SPHKAP: variants seen among roughly 807,000 people sequenced by gnomAD.
SPHKAP encodes A-kinase anchor protein SPHKAP.
In SPHKAP, 67 loss-of-function variants were observed where a neutral mutation model predicts 137.5. That is an observed-to-expected ratio of 0.49 (90% CI 0.40 to 0.60). The LOEUF (loss-of-function observed/expected upper bound fraction) is 0.60, where lower values mean the gene tolerates loss of function less well. Among genes scored for constraint, SPHKAP ranks in the 20% least tolerant of loss-of-function variants. The pLI is 0.00. For missense variants in SPHKAP, 2,097 were observed against 2,069.3 expected (o/e 1.01, Z -0.26); for synonymous variants, 813 against 785.3 (o/e 1.04, Z -0.59).
chr2:228,068,082 A>T (rs1193669145), intron 3 of SPHKAP, among the ~76,000 whole-genome samples: 1 of 152,248 alleles, frequency 6.6e-6, no homozygotes, highest in East Asian at 1.9e-4. Flanking sequence ...ATATGCCAAC[A>T]GTGAACAATC....
chr2:228,088,171 C>G (rs555017370), intron 3 of SPHKAP, among the ~76,000 whole-genome samples: 1 of 151,996 alleles, frequency 6.6e-6, no homozygotes, highest in African/African-American at 2.4e-5. Context: ...ATAAAAAATT[C>G]TGTAAATATA....
intron 2 of SPHKAP, among the ~76,000 whole-genome samples, chr2:228,113,995 C>T (rs1312192421): frequency 1.3e-5 from 2 of 152,104 alleles, no homozygotes; most frequent in Non-Finnish European, 2.9e-5. Context: ...AAGAAGAATG[C>T]TTGAAGGAAG....
At chr2:228,136,470 G>C (rs1482619336) in intron 1 of SPHKAP, among the ~76,000 whole-genome samples, 2 of 152,204 alleles carry the variant, frequency 1.3e-5, no homozygotes, top group Non-Finnish European at 2.9e-5. Context: ...TACCACTGCA[G>C]TGACTCATGC....
At chr2:228,173,497 G>A (rs1212677573) in intron 1 of SPHKAP, among the ~76,000 whole-genome samples, 2 of 152,116 alleles carry the variant, frequency 1.3e-5, no homozygotes, top group Admixed American at 1.3e-4. Context: ...ATTGAAGGAG[G>A]GAGGCAGAAA....
chr2:227,992,040 C>T (rs1391651356), intron 9 of SPHKAP, among the ~76,000 whole-genome samples: 2 of 152,068 alleles, frequency 1.3e-5, no homozygotes, highest in Non-Finnish European at 2.9e-5. Flanking sequence ...ATTACAGAAC[C>T]TTGCATGTAG....
intron 7 of SPHKAP, among the ~76,000 whole-genome samples, chr2:228,010,562 G>A (rs1186596980): frequency 6.6e-6 from 1 of 152,070 alleles, no homozygotes; most frequent in Non-Finnish European, 1.5e-5. Flanking sequence ...GTTCACGGAT[G>A]GAGGGCAAGT....
At chr2:228,099,989 A>G (rs1698138821) in intron 3 of SPHKAP, among the ~76,000 whole-genome samples, 1 of 152,002 alleles carries the variant, frequency 6.6e-6, no homozygotes, top group African/African-American at 2.4e-5. Flanking sequence ...AGCTGGGACT[A>G]CAGGCGCCCG....
At chr2:228,146,823 A>C (rs1254900678) in intron 1 of SPHKAP, among the ~76,000 whole-genome samples, 1 of 152,232 alleles carries the variant, frequency 6.6e-6, no homozygotes, top group East Asian at 1.9e-4. Flanking sequence ...ATATAGGTTC[A>C]TTCCATGTCT....
At chr2:228,047,040 C>G (rs1250694429) in intron 3 of SPHKAP, among the ~76,000 whole-genome samples, 4 of 152,110 alleles carry the variant, frequency 2.6e-5, no homozygotes, top group Non-Finnish European at 4.4e-5. Context: ...GTATCAGTAC[C>G]TGAATGAGAT....
At chr2:228,001,284 T>TATAA (rs56122772) in intron 7 of SPHKAP, among the ~76,000 whole-genome samples, 75,505 of 143,148 alleles carry the variant, frequency 0.53, 20,317 homozygotes, top group South Asian at 0.67. Flanking sequence ...TATCTATACA[T>TATAA]ATATCTATAC....
chr2:228,021,952 TGGCAGCCAAG>T lies in SPHKAP; in HGVS notation c.446_455del (p.Pro149GlnfsTer28), dbSNP rs1559353038. The T allele has an allele frequency of 6.3e-7, 1 of 1,599,522 alleles. No homozygotes were observed. The highest frequency in any genetic ancestry group is 8.5e-7 in the Non-Finnish European group (1 of 1,173,164). ...TTGCACATTGGACCAAGCAGATATC[TGGCAGCCAAG>T]GGCACTAAAAGTGGAGAGAAAAGAA... On this transcript the variant is annotated frameshift_variant, in exon 6 of 12. Coordinates refer to ENST00000392056, the MANE Select transcript of SPHKAP (RefSeq NM_001142644.2). LOFTEE classifies it high-confidence loss of function.
intron 3 of SPHKAP, among the ~76,000 whole-genome samples, chr2:228,071,029 A>T (rs1048008413): frequency 1.3e-5 from 2 of 152,204 alleles, no homozygotes; most frequent in African/African-American, 4.8e-5. Flanking sequence ...GGGACGGAGC[A>T]TTGATGAAAC....
At chr2:227,993,426 C>A in intron 9 of SPHKAP, 108 bp downstream of exon 9, 2 of 983,804 alleles carry the variant, frequency 2.0e-6, no homozygotes, top group South Asian at 2.9e-5. Context: ...CACAGCAGTA[C>A]AGACATGATG....
intron 1 of SPHKAP, among the ~76,000 whole-genome samples, chr2:228,148,428 C>T (rs184849620): frequency 2.0e-5 from 3 of 152,214 alleles, no homozygotes; most frequent in Admixed American, 6.5e-5. Context: ...GTAGCAGGAT[C>T]GGGAATTGGC....
chr2:228,138,050 TG>T (rs1351661599), intron 1 of SPHKAP, among the ~76,000 whole-genome samples: 1 of 152,218 alleles, frequency 6.6e-6, no homozygotes, highest in East Asian at 1.9e-4. Context: ...CAGCTAGGCC[TG>T]GACCTTGGCC....
chr2:228,113,739 G>A (rs773718814), intron 2 of SPHKAP, among the ~76,000 whole-genome samples: 2 of 150,890 alleles, frequency 1.3e-5, no homozygotes, highest in Non-Finnish European at 2.9e-5. Flanking sequence ...GCCTCCCTTT[G>A]CCTTTGGTAA....
chr2:228,001,548 TA>T (rs1256982250), intron 7 of SPHKAP, among the ~76,000 whole-genome samples: 2 of 145,698 alleles, frequency 1.4e-5, no homozygotes, highest in African/African-American at 2.5e-5. Context: ...AAAATATACA[TA>T]TATATAAAAA....
At chr2:228,130,804 C>T (rs1699226295) in intron 2 of SPHKAP, among the ~76,000 whole-genome samples, 3 of 151,936 alleles carry the variant, frequency 2.0e-5, no homozygotes, top group South Asian at 2.1e-4. Flanking sequence ...TAGTTCCCTG[C>T]ATTAAAAAGT....
At chr2:228,162,580 A>T (rs978173568) in intron 1 of SPHKAP, among the ~76,000 whole-genome samples, 1 of 152,234 alleles carries the variant, frequency 6.6e-6, no homozygotes, top group African/African-American at 2.4e-5. Flanking sequence ...GACAACAGGG[A>T]TTGTATAGCA....
Sources: gnomAD v4.1 joint callset for allele counts (sites outside exome capture counted in the v4.1 genomes callset) on GRCh38, gnomAD v4.1.1 for gene constraint, MANE v1.5 for transcripts, NCBI Gene and HGNC (gene_info 2026-07-23, HGNC 2026-07-21) for gene names.